The following ZMYM2 variants were observed in gnomAD, a reference collection of about 807,000 sequenced individuals.
ZMYM2 encodes the protein zinc finger MYM-type protein 2.
A neutral mutation model predicts 162.8 loss-of-function variants in ZMYM2; 56 were observed. The observed-to-expected ratio is 0.34, with a 90% CI of 0.28 to 0.43. The LOEUF is 0.43. ZMYM2 is among the 20% of genes least tolerant of loss of function. ZMYM2 has a pLI of 1.00. For synonymous variants in ZMYM2, 510 were observed against 541.6 expected (o/e 0.94, Z 0.81); for missense variants, 1,275 against 1,621.8 (o/e 0.79, Z 3.67).
At chr13:19,958,292 T>C (rs1223012656), upstream of ZMYM2, among the ~76,000 whole-genome samples, 1 of 151,806 alleles carries the variant, frequency 6.6e-6, no homozygotes, top group East Asian at 2.0e-4. Flanking sequence ...GGCAGAGGCG[T>C]TGGGAGCCGC....
chr13:20,029,111 T>G (rs1952839637), intron 9 of ZMYM2, among the ~76,000 whole-genome samples: 1 of 152,256 alleles, frequency 6.6e-6, no homozygotes, highest in Non-Finnish European at 1.5e-5. Flanking sequence ...TACCTTAGAC[T>G]GGTAGCTTAT....
intron 10 of ZMYM2, among the ~76,000 whole-genome samples, chr13:20,032,723 C>T (rs1953309638): frequency 6.7e-6 from 1 of 150,214 alleles, no homozygotes; most frequent in Non-Finnish European, 1.5e-5. Flanking sequence ...ATTCTCCTGC[C>T]TCAGTTTCCC....
At chr13:19,945,056 C>A in the ZMYM2 span, among the ~76,000 whole-genome samples, 1 of 152,056 alleles carries the variant, frequency 6.6e-6, no homozygotes, top group Admixed American at 6.5e-5. Flanking sequence ...AAACCCAACA[C>A]CTCTGAGACT....
At chr13:19,987,900 C>T (rs1285540993) in intron 2 of ZMYM2, among the ~76,000 whole-genome samples, 2 of 152,220 alleles carry the variant, frequency 1.3e-5, no homozygotes, top group Admixed American at 1.3e-4. Context: ...GCGTGAGCCA[C>T]TGCCCTCAGC....
At chr13:19,901,930 A>G in the ZMYM2 span, among the ~76,000 whole-genome samples, 5 of 152,078 alleles carry the variant, frequency 3.3e-5, no homozygotes, top group Non-Finnish European at 7.4e-5. Flanking sequence ...AGCTAGCACT[A>G]TAGGCATGCA....
upstream of ZMYM2, among the ~76,000 whole-genome samples, chr13:19,954,606 C>A (rs1423463341): frequency 6.6e-6 from 1 of 151,996 alleles, no homozygotes; most frequent in Non-Finnish European, 1.5e-5. Context: ...GCTATAATAC[C>A]AAACATCATT....
the ZMYM2 span, among the ~76,000 whole-genome samples, chr13:19,921,300 C>T: frequency 2.6e-5 from 4 of 151,966 alleles, no homozygotes; most frequent in East Asian, 1.9e-4. Flanking sequence ...CCACCACACC[C>T]GGCTAATTTT....
intron 3 of ZMYM2, among the ~76,000 whole-genome samples, chr13:20,001,913 G>A (rs1372050431): frequency 1.3e-5 from 2 of 152,220 alleles, no homozygotes; most frequent in African/African-American, 2.4e-5. Context: ...ACACTTAATA[G>A]ACTACATTAT....
the ZMYM2 span, among the ~76,000 whole-genome samples, chr13:19,879,903 G>A: frequency 2.0e-5 from 3 of 152,322 alleles, no homozygotes; most frequent in African/African-American, 7.2e-5. Context: ...ACTAATGTGC[G>A]TAAGCATTCT....
At chr13:19,879,747 T>C in the ZMYM2 span, among the ~76,000 whole-genome samples, 2 of 152,198 alleles carry the variant, frequency 1.3e-5, no homozygotes, top group East Asian at 1.9e-4. Context: ...ATTGATATTG[T>C]GATGGCCAAC....
intron 11 of ZMYM2, among the ~76,000 whole-genome samples, 191 bp from the exon 12 acceptor site, chr13:20,036,544 CAT>C (rs1953720155): frequency 6.6e-6 from 1 of 152,088 alleles, no homozygotes; most frequent in South Asian, 2.1e-4. Flanking sequence ...TTTTAACCCA[CAT>C]GTTAGATAAT....
At chr13:19,948,868 G>T in the ZMYM2 span, among the ~76,000 whole-genome samples, 1 of 152,168 alleles carries the variant, frequency 6.6e-6, no homozygotes, top group South Asian at 2.1e-4. Context: ...AATTAAGAAT[G>T]TTAACAATTA....
chr13:19,987,619 T>TTGTGTG (rs1949274409), intron 2 of ZMYM2, among the ~76,000 whole-genome samples: 1 of 53,264 alleles, frequency 1.9e-5, no homozygotes, highest in Non-Finnish European at 3.6e-5. Context: ...TGGGGTTTTG[T>TTGTGTG]CGTGTGTGTG....
intron 2 of ZMYM2, among the ~76,000 whole-genome samples, chr13:19,992,065 G>T (rs925874718): frequency 1.3e-5 from 2 of 152,112 alleles, no homozygotes; most frequent in African/African-American, 4.8e-5. Context: ...ACATTTGTAG[G>T]TTCCAGGAAT....
Position 19,970,145 on chromosome 13 carries a change from T to C in ZMYM2, c.-11+10119T>C, listed in dbSNP as rs371903210. 593 of 764,084 alleles carry C rather than the reference T, an allele frequency of 7.8e-4. 3 individuals are homozygous for C. In the Middle Eastern group the frequency reaches 0.027, roughly 35 times the overall value. 47.3% of individuals were successfully genotyped at this position (764,084 alleles called of 1,614,324 possible). ...AAAATTTGTTATCAAAAACAGTCAT[T>C]ACACTAGATCATAGATTTGGAACAC... On this transcript the variant is annotated intron_variant, in intron 2 of 24. Coordinates refer to ENST00000610343, the MANE Select transcript of ZMYM2 (RefSeq NM_197968.4).
chr13:19,934,949 T>C, the ZMYM2 span, among the ~76,000 whole-genome samples: 29 of 152,020 alleles, frequency 1.9e-4, no homozygotes, highest in African/African-American at 6.5e-4. Context: ...GTATTTTTAG[T>C]AGAGACGAGG....
chr13:20,046,351 A>T (rs1384097050), intron 12 of ZMYM2, among the ~76,000 whole-genome samples: 3 of 151,824 alleles, frequency 2.0e-5, no homozygotes, highest in Non-Finnish European at 4.4e-5. Flanking sequence ...GTTCTAGTCC[A>T]GCCTGGGCAA....
the ZMYM2 span, among the ~76,000 whole-genome samples, chr13:19,879,524 C>T: frequency 4.6e-5 from 7 of 152,178 alleles, no homozygotes; most frequent in Non-Finnish European, 1.0e-4. Context: ...TCTGTTATGT[C>T]AGTACCATAC....
chr13:20,066,762 A>G, intron 19 of ZMYM2, 89 bp from the exon 20 acceptor site: 1 of 1,294,858 alleles, frequency 7.7e-7, no homozygotes, highest in Non-Finnish European at 1.0e-6. Flanking sequence ...GTCAATTGTA[A>G]TTTGCCTTTG....
Sources: allele counts gnomAD v4.1 joint callset (sites outside exome capture counted in the v4.1 genomes callset), GRCh38; gene constraint gnomAD v4.1.1; transcripts MANE v1.5; gene names NCBI Gene and HGNC (gene_info 2026-07-23, HGNC 2026-07-21).